The following PDE4D variants were observed in gnomAD, a reference collection of about 807,000 sequenced individuals.
PDE4D encodes phosphodiesterase 4D, also known as 3',5'-cyclic-AMP phosphodiesterase 4D.
A neutral mutation model predicts 87.4 loss-of-function variants in PDE4D; 24 were observed. The observed-to-expected ratio is 0.27, with a 90% confidence interval of 0.20 to 0.39. The LOEUF is 0.39. Ranked by LOEUF, PDE4D falls within the 10% of genes least tolerant of loss-of-function variation. The pLI, the probability that PDE4D is intolerant of heterozygous loss-of-function variation, is 1.00. For missense variants in PDE4D, 714 were observed against 1,041.0 expected (o/e 0.69, Z 4.32); for synonymous variants, 384 against 383.2 (o/e 1.00, Z -0.02).
At chr5:59,929,134 A>G (rs927659248) in intron 3 of PDE4D, among the ~76,000 whole-genome samples, 11 of 151,990 alleles carry the variant, frequency 7.2e-5, no homozygotes, top group African/African-American at 2.7e-4. Flanking sequence ...TTAATCTGCA[A>G]ATGCAGCAGT....
chr5:60,317,938 G>C (rs1022864954), intron 1 of PDE4D, among the ~76,000 whole-genome samples: 4 of 152,212 alleles, frequency 2.6e-5, no homozygotes, highest in African/African-American at 9.6e-5. Flanking sequence ...TAAGTGCGGT[G>C]TGGTACTGAG....
At chr5:60,144,402 G>A (rs534452575) in intron 2 of PDE4D, among the ~76,000 whole-genome samples, 3 of 152,312 alleles carry the variant, frequency 2.0e-5, no homozygotes, top group South Asian at 4.1e-4. Flanking sequence ...GCTCATCATC[G>A]ATAAAGAGAA....
At chr5:60,091,577 G>A (rs1450483545) in intron 2 of PDE4D, among the ~76,000 whole-genome samples, 2 of 152,034 alleles carry the variant, frequency 1.3e-5, no homozygotes, top group Admixed American at 1.3e-4. Context: ...ACACTATGGA[G>A]GTTCCTCAAA....
chr5:59,129,496 T>C (rs1393295950), intron 5 of PDE4D, among the ~76,000 whole-genome samples: 1 of 152,226 alleles, frequency 6.6e-6, no homozygotes, highest in Non-Finnish European at 1.5e-5. Flanking sequence ...AGCCCAGCCA[T>C]CATTCTGCTT....
intron 1 of PDE4D, among the ~76,000 whole-genome samples, chr5:59,384,185 C>T (rs953001774): frequency 1.3e-5 from 2 of 152,160 alleles, no homozygotes; most frequent in African/African-American, 2.4e-5. Context: ...GGATTATAGG[C>T]GTGAGCCACT....
At chr5:59,166,816 AT>A (rs1781996050) in intron 5 of PDE4D, among the ~76,000 whole-genome samples, 1 of 152,164 alleles carries the variant, frequency 6.6e-6, no homozygotes, top group Non-Finnish European at 1.5e-5. Context: ...GAGATTGCTT[AT>A]TGCTTTTTGG....
At chr5:59,689,229 C>T (rs948442758) in intron 1 of PDE4D, among the ~76,000 whole-genome samples, 3 of 152,162 alleles carry the variant, frequency 2.0e-5, no homozygotes, top group Admixed American at 6.5e-5. Flanking sequence ...ATAAGGCCAG[C>T]ATTATCCTGA....
rs146013709 is a variant in PDE4D, at chr5:59,012,543, G to A, written c.922-19078C>T. ...ACAGACTTTAAACCAACAAAGATCA[G>A]AAGAGACAAAGAAGGCCATTACAAA... On this transcript the variant is annotated intron_variant, in intron 6 of 14. Coordinates refer to ENST00000340635, the MANE Select transcript of PDE4D (RefSeq NM_001104631.2). 1.4e-3 allele frequency among the ~76,000 whole-genome samples: 210 copies of A among 152,176 alleles called. 1 individual carries two copies. Among genetic ancestry groups the A allele is most frequent in the African/African-American group, 4.8e-3 (200 of 41,534 alleles).
At chr5:59,180,702 C>T in intron 4 of PDE4D, 58 bp from the exon 5 acceptor site, 1 of 1,422,842 alleles carries the variant, frequency 7.0e-7, no homozygotes, top group Non-Finnish European at 9.9e-7. Flanking sequence ...GATTTGATCA[C>T]TCTCTGAGTC....
chr5:60,298,413 C>T lies in PDE4D; in HGVS notation c.-89-112726G>A, dbSNP rs549256271. 2.0e-5 allele frequency among the ~76,000 whole-genome samples: 3 copies of T among 152,280 alleles called. No homozygotes were observed. In the East Asian group the frequency reaches 5.8e-4, roughly 29 times the overall value. ...AGAAATTTCAAATGAATGTATTCCT[C>T]TGCAATTTGATTCTGCAAAAAAATG... On this transcript the variant is annotated intron_variant, in intron 1 of 16. Transcript: ENST00000502484.
chr5:59,209,543 T>G (rs971617295), intron 2 of PDE4D, among the ~76,000 whole-genome samples: 1 of 152,212 alleles, frequency 6.6e-6, no homozygotes, highest in Non-Finnish European at 1.5e-5. Context: ...ATTTTCAGAC[T>G]TTCTCAGTAC....
At chr5:59,299,571 G>T (rs566659758) in intron 1 of PDE4D, among the ~76,000 whole-genome samples, 1 of 152,250 alleles carries the variant, frequency 6.6e-6, no homozygotes, top group South Asian at 2.1e-4. Flanking sequence ...AGAAGATTTT[G>T]ATTAGGCCTA....
rs572861204 is a variant in PDE4D at position 59,753,876 on chromosome 5, A to G, written c.455+139292T>C. 5.3e-5 allele frequency among the ~76,000 whole-genome samples: 8 copies of G among 152,332 alleles called. No homozygotes were observed. The South Asian group carries it at 1.7e-3, about 32-fold the overall frequency. ...TTTGTGTATGTACGTGTTCATTTGC[A>G]AAGAAAACTCTCAAGATGAATGTAA... On this transcript the variant is annotated intron_variant, in intron 1 of 14. Coordinates refer to ENST00000340635, the MANE Select transcript of PDE4D (RefSeq NM_001104631.2).
At chr5:60,322,760 T>C (rs1056536913) in intron 1 of PDE4D, among the ~76,000 whole-genome samples, 2 of 152,216 alleles carry the variant, frequency 1.3e-5, no homozygotes, top group Non-Finnish European at 2.9e-5. Context: ...CTACATGTCC[T>C]GTTCTTCTCT....
chr5:59,325,965 T>C (rs1423916418), intron 1 of PDE4D, among the ~76,000 whole-genome samples: 1 of 152,108 alleles, frequency 6.6e-6, no homozygotes, highest in Non-Finnish European at 1.5e-5. Context: ...ATGTCCTTTG[T>C]AGGGACATGG....
intron 2 of PDE4D, among the ~76,000 whole-genome samples, chr5:60,092,286 T>C (rs559027723): frequency 6.0e-4 from 91 of 152,010 alleles, no homozygotes; most frequent in African/African-American, 2.1e-3. Flanking sequence ...TTACCAGACA[T>C]TGGGAAGGGA....
chr5:59,292,715 T>A (rs778866094), intron 1 of PDE4D, among the ~76,000 whole-genome samples: 1 of 152,170 alleles, frequency 6.6e-6, no homozygotes, highest in South Asian at 2.1e-4. Flanking sequence ...ATTTTGCAGT[T>A]TTCTGTTTGT....
At chr5:60,057,255 A>G (rs1403453341) in intron 2 of PDE4D, among the ~76,000 whole-genome samples, 1 of 152,086 alleles carries the variant, frequency 6.6e-6, no homozygotes, top group Non-Finnish European at 1.5e-5. Context: ...ATCAGTAACC[A>G]ACACAGCAAG....
chr5:59,130,757 A>G (rs13185063), intron 5 of PDE4D, among the ~76,000 whole-genome samples: 25,508 of 152,220 alleles, frequency 0.17, 2,211 homozygotes, highest in African/African-American at 0.19. Flanking sequence ...CTTGTTTCTA[A>G]TGGAATCATC....
Sources: allele counts gnomAD v4.1 joint callset (sites outside exome capture counted in the v4.1 genomes callset), GRCh38; gene constraint gnomAD v4.1.1; transcripts MANE v1.5; gene names NCBI Gene and HGNC (gene_info 2026-07-23, HGNC 2026-07-21).